The following VPS37A variants were observed in gnomAD, a reference collection of about 807,000 sequenced individuals.
VPS37A encodes VPS37A subunit of ESCRT-I, also known as vacuolar protein sorting-associated protein 37A.
VPS37A carries 30 observed loss-of-function variants against 49.8 expected under a neutral mutation model. The ratio of observed to expected loss-of-function variants is 0.60; its 90% CI spans 0.45 to 0.82. The LOEUF (loss-of-function observed/expected upper bound fraction) is 0.82, where lower values mean the gene tolerates loss of function less well. VPS37A is among the 40% of genes least tolerant of loss of function. The pLI is 0.00. For missense variants in VPS37A, 593 were observed against 464.4 expected (o/e 1.28, Z -2.55); for synonymous variants, 195 against 160.6 (o/e 1.21, Z -1.62).
At position 17,266,336 on chromosome 8, in the gene VPS37A, CAG is replaced by C. The variant is rs1813451963; in HGVS notation, c.200+357_200+358del. Among the ~76,000 whole-genome samples, 8 of 152,248 alleles carry C rather than the reference CAG, an allele frequency of 5.3e-5. No individual in the cohort carries two copies. In the South Asian group the frequency reaches 1.7e-3, roughly 32 times the overall value. On this transcript the variant is annotated intron_variant, in intron 2 of 11. Coordinates refer to ENST00000324849, the MANE Select transcript of VPS37A (RefSeq NM_152415.3). ...GTTAGAGATAGATTCACCTTTAAAT[CAG>C]AAACAAGTTAAAATATTCCAAATTT... is the stretch of plus-strand genomic sequence containing the variant.
chr8:17,306,009 C>A, downstream of VPS37A: 2 of 1,464,004 alleles, frequency 1.4e-6, no homozygotes, highest in Non-Finnish European at 1.9e-6. Flanking sequence ...TTTTAAAGTA[C>A]AAAGCCATAA....
rs571842919 is a variant in VPS37A, at chr8:17,282,533, A to G, written c.970-1940A>G. On this transcript the variant is annotated intron_variant, in intron 9 of 11. Coordinates refer to ENST00000324849, the MANE Select transcript of VPS37A (RefSeq NM_152415.3). ...AACTCAGATATATTAAAAAATCATG[A>G]AATCAAAATTGAAGTTAAAAAAAGG... 3.6e-4 allele frequency among the ~76,000 whole-genome samples: 55 copies of G among 152,146 alleles called. 1 individual carries two copies. Among genetic ancestry groups the G allele is most frequent in the Non-Finnish European group, 6.5e-4 (44 of 68,012 alleles).
chr8:17,276,339 A>G, intron 5 of VPS37A, 58 bp from the exon 6 acceptor site: 1 of 1,377,050 alleles, frequency 7.3e-7, no homozygotes. Context: ...TTTATTAGTA[A>G]TTGAGAGCAG....
In VPS37A at chr8:17,269,032, A is replaced by T. The variant is rs1813733565; in HGVS notation, c.416+76A>T. Reference sequence around the variant, plus strand: ...AATCAAAATATAGTTTAAAAATTCAAATGATGTTAAAAATCAGTCCTCTGA... The same window carrying T: ...AATCAAAATATAGTTTAAAAATTCATATGATGTTAAAAATCAGTCCTCTGA... On this transcript the variant is annotated intron_variant, in intron 4 of 11. Transcript: ENST00000324849. 5 of 1,061,122 alleles carry T rather than the reference A, an allele frequency of 4.7e-6. No individual in the cohort carries two copies. The South Asian group carries it at 7.9e-5, about 17-fold the overall frequency. 65.7% of individuals were successfully genotyped at this position (1,061,122 alleles called of 1,614,324 possible).
At chr8:17,315,799 T>G in the VPS37A span, among the ~76,000 whole-genome samples, 4 of 151,870 alleles carry the variant, frequency 2.6e-5, no homozygotes, top group Non-Finnish European at 5.9e-5. Flanking sequence ...ATCATTTGAG[T>G]CAAGGAGTTC....
the VPS37A span, among the ~76,000 whole-genome samples, chr8:17,324,325 A>G: frequency 6.6e-6 from 1 of 152,178 alleles, no homozygotes. Context: ...ACAAGCAGGT[A>G]TTGTGCCTGA....
intron 1 of VPS37A, among the ~76,000 whole-genome samples, chr8:17,255,196 C>T (rs188283135): frequency 6.6e-6 from 1 of 152,298 alleles, no homozygotes; most frequent in African/African-American, 2.4e-5. Context: ...ACTAAGTGGG[C>T]TGGCTGCAGT....
chr8:17,262,958 G>T (rs1421176812), intron 1 of VPS37A, among the ~76,000 whole-genome samples: 1 of 151,302 alleles, frequency 6.6e-6, no homozygotes, highest in East Asian at 1.9e-4. Context: ...CTACTCAGGA[G>T]ACTGAGGCAG....
the VPS37A span, among the ~76,000 whole-genome samples, chr8:17,317,134 G>A: frequency 2.0e-5 from 3 of 152,202 alleles, no homozygotes; most frequent in African/African-American, 7.2e-5. Flanking sequence ...TTATATGTGT[G>A]TGTGTTGTGG....
the VPS37A span, among the ~76,000 whole-genome samples, chr8:17,310,797 G>A: frequency 6.6e-6 from 1 of 152,184 alleles, no homozygotes; most frequent in East Asian, 1.9e-4. Flanking sequence ...AGCATCTTGT[G>A]TAGCACGGAT....
chr8:17,256,913 G>A (rs1048220002), intron 1 of VPS37A, among the ~76,000 whole-genome samples: 9 of 152,032 alleles, frequency 5.9e-5, no homozygotes, highest in Admixed American at 2.6e-4. Flanking sequence ...TGGCCTCACT[G>A]TGTAGGTTTT....
downstream of VPS37A, among the ~76,000 whole-genome samples, chr8:17,307,142 T>C (rs1256629445): frequency 6.6e-6 from 1 of 152,154 alleles, no homozygotes; most frequent in African/African-American, 2.4e-5. Context: ...CCTACTCATC[T>C]GACAAAGGGC....
chr8:17,264,899 A>G (rs1434149657), intron 1 of VPS37A, among the ~76,000 whole-genome samples: 2 of 152,212 alleles, frequency 1.3e-5, no homozygotes, highest in Non-Finnish European at 2.9e-5. Context: ...TTATAGTTGT[A>G]ATAATATATG....
chr8:17,258,042 T>C (rs2150357606), intron 1 of VPS37A, among the ~76,000 whole-genome samples: 2 of 152,284 alleles, frequency 1.3e-5, no homozygotes, highest in East Asian at 3.9e-4. Flanking sequence ...GTTTGTCTGT[T>C]TTTTTGGTGG....
chr8:17,276,123 G>A (rs1455171925), intron 5 of VPS37A, among the ~76,000 whole-genome samples: 2 of 151,966 alleles, frequency 1.3e-5, no homozygotes, highest in Non-Finnish European at 2.9e-5. Context: ...CTACAGCCAT[G>A]TACTTAGACA....
chr8:17,310,255 C>T, the VPS37A span, among the ~76,000 whole-genome samples: 1 of 152,108 alleles, frequency 6.6e-6, no homozygotes, highest in Non-Finnish European at 1.5e-5. Context: ...CCCTCCTTAA[C>T]CTCCCAAAAT....
intron 1 of VPS37A, among the ~76,000 whole-genome samples, chr8:17,255,071 C>G (rs1812315773): frequency 1.3e-5 from 2 of 152,326 alleles, no homozygotes; most frequent in Non-Finnish European, 2.9e-5. Context: ...ACAAAACACC[C>G]CATATTCATC....
At chr8:17,287,100 T>G (rs147755394) in intron 11 of VPS37A, among the ~76,000 whole-genome samples, 1 of 152,362 alleles carries the variant, frequency 6.6e-6, no homozygotes, top group East Asian at 1.9e-4. Flanking sequence ...CACGGTATCT[T>G]TGGCCGTGCT....
At position 17,248,665 on chromosome 8, in the gene VPS37A, T is replaced by A. The variant is rs145380485; in HGVS notation, c.125+1296T>A. Among the ~76,000 whole-genome samples the A allele has an allele frequency of 4.6e-5, 7 of 152,342 alleles. No individual in the cohort carries two copies. In the East Asian group the frequency reaches 1.2e-3, roughly 25 times the overall value. On this transcript the variant is annotated intron_variant, in intron 1 of 11. Transcript: ENST00000324849. Reference sequence around the variant, plus strand: ...ATAATTCTTATTTAAAATGGAATAATTTTTAATTAAATAGTCTAGTTAATA... The same window carrying A: ...ATAATTCTTATTTAAAATGGAATAAATTTTAATTAAATAGTCTAGTTAATA...
Sources: allele counts gnomAD v4.1 joint callset (sites outside exome capture counted in the v4.1 genomes callset), GRCh38; gene constraint gnomAD v4.1.1; transcripts MANE v1.5; gene names NCBI Gene and HGNC (gene_info 2026-07-23, HGNC 2026-07-21).